Variants in INVS observed in about 807,000 individuals in gnomAD.
INVS encodes inversin, also known as inversion of embryo turning homolog.
A neutral mutation model predicts 108.8 loss-of-function variants in INVS; 86 were observed. That is an observed-to-expected ratio of 0.79 (90% CI 0.66 to 0.95). INVS has a LOEUF of 0.95. Ranked by LOEUF, INVS falls within the 40% of genes least tolerant of loss-of-function variation. The probability of loss-of-function intolerance (pLI) is 0.00; values close to 1 mark genes in which losing one functional copy is unlikely to be tolerated. For synonymous variants in INVS, 455 were observed against 473.5 expected (o/e 0.96, Z 0.51); for missense variants, 1,169 against 1,297.4 (o/e 0.90, Z 1.52).
rs1005219206 is a variant in INVS, at chr9:100,294,331, G to A, written c.2786+1288G>A. Among the ~76,000 whole-genome samples the A allele has an allele frequency of 5.9e-5, 9 of 152,298 alleles. No homozygotes were observed. In the South Asian group the frequency reaches 1.5e-3, roughly 25 times the overall value. ...GTTCTCTCCTTAACATTGGCAGGGA[G>A]AAAACTAGATAGATTCCCAGGAGGT... On this transcript the variant is annotated intron_variant, in intron 14 of 16. Coordinates refer to ENST00000262457, the MANE Select transcript of INVS (RefSeq NM_014425.5).
At chr9:100,196,472 C>T (rs1368889624) in intron 3 of INVS, among the ~76,000 whole-genome samples, 2 of 151,992 alleles carry the variant, frequency 1.3e-5, no homozygotes, top group African/African-American at 4.8e-5. Context: ...TTTTTACTAC[C>T]TTCTTGCTTA....
chr9:100,198,219 C>A (rs915817155), intron 3 of INVS, among the ~76,000 whole-genome samples: 1 of 135,906 alleles, frequency 7.4e-6, no homozygotes, highest in African/African-American at 2.8e-5. Context: ...CTTAATCTTT[C>A]CTCAACTTTA....
intron 3 of INVS, among the ~76,000 whole-genome samples, chr9:100,134,190 GT>G: frequency 6.6e-6 from 1 of 152,224 alleles, no homozygotes; most frequent in Non-Finnish European, 1.5e-5. Context: ...AACATATGAT[GT>G]TTGGTTTTCC....
chr9:100,135,053 TG>T (rs1207498223), intron 3 of INVS, among the ~76,000 whole-genome samples: 8 of 152,152 alleles, frequency 5.3e-5, no homozygotes, highest in Admixed American at 4.6e-4. Flanking sequence ...CTTTCAGGGG[TG>T]CTGAAAATGT....
chr9:100,109,136 A>C (rs1429913198), intron 2 of INVS, among the ~76,000 whole-genome samples: 1 of 152,222 alleles, frequency 6.6e-6, no homozygotes, highest in Admixed American at 6.5e-5. Context: ...TGGTAGAAAA[A>C]AGTATAGATT....
chr9:100,254,553 T>G (rs1483159159), intron 10 of INVS, among the ~76,000 whole-genome samples: 1 of 152,208 alleles, frequency 6.6e-6, no homozygotes, highest in African/African-American at 2.4e-5. Flanking sequence ...GTTTTAGGTC[T>G]AACATTTAAG....
chr9:100,212,095 A>G (rs1830848114), intron 3 of INVS, among the ~76,000 whole-genome samples: 1 of 152,184 alleles, frequency 6.6e-6, no homozygotes, highest in Non-Finnish European at 1.5e-5. Flanking sequence ...TCATGAGTTG[A>G]TTGCTGTAAC....
intron 8 of INVS, among the ~76,000 whole-genome samples, chr9:100,248,528 A>G (rs943252220): frequency 6.6e-6 from 1 of 151,886 alleles, no homozygotes; most frequent in Non-Finnish European, 1.5e-5. Context: ...ATGTATGGAC[A>G]TTATTTAGAT....
chr9:100,300,527 A>G (rs754124498), intron 16 of INVS, 41 bp from the exon 17 acceptor site: 2 of 1,348,858 alleles, frequency 1.5e-6, no homozygotes, highest in Admixed American at 1.7e-5. Context: ...CAGCCTTAAA[A>G]TTAATAACCT....
chr9:100,262,413 T>G (rs1223061540), intron 10 of INVS, among the ~76,000 whole-genome samples: 2 of 152,104 alleles, frequency 1.3e-5, no homozygotes, highest in African/African-American at 4.8e-5. Context: ...ATTCAGATTT[T>G]CTAATTATTT....
At chr9:100,230,442 T>A (rs1351351163) in intron 5 of INVS, among the ~76,000 whole-genome samples, 1 of 152,102 alleles carries the variant, frequency 6.6e-6, no homozygotes, top group African/African-American at 2.4e-5. Flanking sequence ...AGGAATTATA[T>A]TGCATGTTTT....
At chr9:100,239,413 A>G (rs533503799) in intron 5 of INVS, among the ~76,000 whole-genome samples, 2 of 152,306 alleles carry the variant, frequency 1.3e-5, no homozygotes, top group East Asian at 3.9e-4. Context: ...AAATTTATAT[A>G]TTGTTTATGG....
chr9:100,258,322 T>C (rs1832493158), intron 10 of INVS, among the ~76,000 whole-genome samples: 1 of 152,152 alleles, frequency 6.6e-6, no homozygotes, highest in Admixed American at 6.5e-5. Flanking sequence ...TTTCCAAAGT[T>C]TTTATCTTCT....
At chr9:100,261,825 G>A (rs1832633793) in intron 10 of INVS, among the ~76,000 whole-genome samples, 1 of 152,136 alleles carries the variant, frequency 6.6e-6, no homozygotes, top group Admixed American at 6.5e-5. Flanking sequence ...TAGAATTGGT[G>A]ATAATTGGCA....
At chr9:100,284,286 AT>A (rs767967799) in intron 12 of INVS, 33 bp from the exon 13 acceptor site, 1 of 1,612,774 alleles carries the variant, frequency 6.2e-7, no homozygotes, top group South Asian at 1.1e-5. Context: ...TACTCTTTAA[AT>A]TTTTTCATCT....
intron 6 of INVS, among the ~76,000 whole-genome samples, chr9:100,241,950 A>C (rs1831887370): frequency 6.6e-6 from 1 of 152,170 alleles, no homozygotes; most frequent in African/African-American, 2.4e-5. Context: ...TCACTTGTGG[A>C]GATCACATCC....
At chr9:100,251,473 A>G (rs1832234595) in intron 8 of INVS, among the ~76,000 whole-genome samples, 1 of 152,270 alleles carries the variant, frequency 6.6e-6, no homozygotes. Context: ...AACACATTTA[A>G]TCAAAATTAC....
chr9:100,291,923 T>C (rs1833628798), intron 13 of INVS, among the ~76,000 whole-genome samples: 1 of 152,236 alleles, frequency 6.6e-6, no homozygotes, highest in African/African-American at 2.4e-5. Context: ...TTTTCTGTTC[T>C]TATGTAGATG....
chr9:100,240,264 G>A lies in INVS; in HGVS notation c.796+24G>A, dbSNP rs539013235. 11 of 1,584,446 alleles carry A rather than the reference G, an allele frequency of 6.9e-6. No homozygotes were observed. The East Asian group carries it at 2.2e-4, about 32-fold the overall frequency. ...AGGTACGTGACTCAAAGGATCAACAGTAAAAGGAACTTCATGAGTATAGGA... is the reference window on the plus strand; with the variant it reads ...AGGTACGTGACTCAAAGGATCAACAATAAAAGGAACTTCATGAGTATAGGA... On this transcript the variant is annotated intron_variant, in intron 6 of 16. Coordinates refer to ENST00000262457, the MANE Select transcript of INVS (RefSeq NM_014425.5).
Sources: allele counts gnomAD v4.1 joint callset (sites outside exome capture counted in the v4.1 genomes callset), GRCh38; gene constraint gnomAD v4.1.1; transcripts MANE v1.5; gene names NCBI Gene and HGNC (gene_info 2026-07-23, HGNC 2026-07-21).